Variants in NEK1 observed in about 807,000 individuals in gnomAD.
The protein encoded by NEK1 is NIMA related kinase 1, also known as serine/threonine-protein kinase Nek1.
Under a neutral mutation model 182.1 loss-of-function variants are expected in NEK1, and 137 were observed. That is an observed-to-expected ratio of 0.75 (90% CI 0.65 to 0.87). The LOEUF (loss-of-function observed/expected upper bound fraction) is 0.87, where lower values mean the gene tolerates loss of function less well. Ranked by LOEUF, NEK1 falls within the 40% of genes least tolerant of loss-of-function variation. The pLI is 0.00. For synonymous variants in NEK1, 513 were observed against 492.2 expected (o/e 1.04, Z -0.56); for missense variants, 1,391 against 1,494.4 (o/e 0.93, Z 1.14).
intron 12 of NEK1, among the ~76,000 whole-genome samples, chr4:169,562,740 TAATAA>T (rs891425354): frequency 2.0e-5 from 3 of 152,156 alleles, no homozygotes; most frequent in African/African-American, 7.2e-5. Flanking sequence ...ATTAATGTGT[TAATAA>T]AATGACTTTA....
chr4:169,437,889 T>G (rs993390960), intron 28 of NEK1, among the ~76,000 whole-genome samples, 194 bp downstream of exon 28: 2 of 152,178 alleles, frequency 1.3e-5, no homozygotes, highest in Admixed American at 6.5e-5. Context: ...GGTTGGTGTT[T>G]CAACACTAAG....
intron 28 of NEK1, 91 bp downstream of exon 28, chr4:169,437,992 T>C: frequency 1.0e-6 from 1 of 957,158 alleles, no homozygotes; most frequent in Non-Finnish European, 1.5e-6. Flanking sequence ...TACCCAAACA[T>C]ATACAAATTT....
intron 31 of NEK1, among the ~76,000 whole-genome samples, chr4:169,417,990 G>T (rs894549941): frequency 2.6e-5 from 4 of 152,202 alleles, no homozygotes; most frequent in African/African-American, 9.7e-5. Flanking sequence ...TTGCAAGGTA[G>T]TTTTCTTGAG....
chr4:169,580,995 G>A, intron 10 of NEK1, 93 bp from the exon 11 acceptor site: 1 of 359,912 alleles, frequency 2.8e-6, no homozygotes, highest in Non-Finnish European at 5.1e-6. Flanking sequence ...CCCTTTTTCA[G>A]TAGTAATTAT....
intron 12 of NEK1, among the ~76,000 whole-genome samples, chr4:169,567,293 A>C (rs1288877268): frequency 6.6e-6 from 1 of 152,104 alleles, no homozygotes; most frequent in African/African-American, 2.4e-5. Context: ...CATTGTGGTA[A>C]AATACATAAA....
At chr4:169,568,762 C>T (rs1396350001) in intron 12 of NEK1, among the ~76,000 whole-genome samples, 2 of 151,780 alleles carry the variant, frequency 1.3e-5, no homozygotes, top group Non-Finnish European at 2.9e-5. Flanking sequence ...TGGTGAAACC[C>T]CATCTCTACT....
intron 27 of NEK1, among the ~76,000 whole-genome samples, chr4:169,447,007 C>T (rs937555425): frequency 2.1e-5 from 3 of 143,224 alleles, no homozygotes; most frequent in South Asian, 2.1e-4. Flanking sequence ...GTAGAGAGAC[C>T]GGGGTACAAA....
chr4:169,436,158 C>G (rs1738375334), intron 28 of NEK1, among the ~76,000 whole-genome samples: 2 of 152,226 alleles, frequency 1.3e-5, no homozygotes, highest in Admixed American at 6.5e-5. Context: ...CCAGCCTTGG[C>G]TTCCCAAAGT....
At chr4:169,571,895 A>ATTTTTTTTTTTT (rs57480182) in intron 12 of NEK1, among the ~76,000 whole-genome samples, 1 of 137,206 alleles carries the variant, frequency 7.3e-6, no homozygotes. Flanking sequence ...TGCCCAGCTA[A>ATTTTTTTTTTTT]TTTTTTTTTT....
chr4:169,512,954 T>A (rs1754428974), intron 19 of NEK1, among the ~76,000 whole-genome samples: 1 of 152,132 alleles, frequency 6.6e-6, no homozygotes, highest in African/African-American at 2.4e-5. Context: ...TTCATTGATC[T>A]ATGTGTCTAT....
intron 23 of NEK1, among the ~76,000 whole-genome samples, chr4:169,505,050 G>A (rs1156366665): frequency 6.6e-6 from 1 of 151,046 alleles, no homozygotes; most frequent in Non-Finnish European, 1.5e-5. Flanking sequence ...TTTTTTTTAA[G>A]GCACAACTTA....
chr4:169,606,681 C>T (rs191263057), intron 2 of NEK1, among the ~76,000 whole-genome samples: 4 of 152,280 alleles, frequency 2.6e-5, no homozygotes, highest in East Asian at 1.9e-4. Context: ...ACACCAGGCA[C>T]AACTAAGAAT....
At chr4:169,464,646 G>GA (rs1294503435) in intron 26 of NEK1, among the ~76,000 whole-genome samples, 1 of 151,650 alleles carries the variant, frequency 6.6e-6, no homozygotes, top group Non-Finnish European at 1.5e-5. Flanking sequence ...ATCTTTATGT[G>GA]AAAAAATAGA....
intron 18 of NEK1, among the ~76,000 whole-genome samples, chr4:169,544,837 A>G (rs1760110409): frequency 6.6e-6 from 1 of 150,468 alleles, no homozygotes; most frequent in Non-Finnish European, 1.5e-5. Flanking sequence ...TACCCCCTTT[A>G]TCATTTTTTA....
chr4:169,600,904 C>G (rs146686302), intron 4 of NEK1, among the ~76,000 whole-genome samples: 1 of 152,120 alleles, frequency 6.6e-6, no homozygotes, highest in African/African-American at 2.4e-5. Context: ...CTATGTGAAG[C>G]AGTCAATATA....
chr4:169,581,723 T>C (rs1235430643), intron 10 of NEK1, among the ~76,000 whole-genome samples: 3 of 152,208 alleles, frequency 2.0e-5, no homozygotes, highest in Non-Finnish European at 2.9e-5. Context: ...AAAATCTCTA[T>C]ATTCTGTGTG....
intron 27 of NEK1, among the ~76,000 whole-genome samples, chr4:169,460,999 A>G (rs1743867048): frequency 6.6e-6 from 1 of 152,204 alleles, no homozygotes; most frequent in Non-Finnish European, 1.5e-5. Flanking sequence ...TAAGAATTGG[A>G]AGACTAAAAT....
chr4:169,509,414 C>T (rs1342861753), intron 19 of NEK1, among the ~76,000 whole-genome samples: 1 of 152,040 alleles, frequency 6.6e-6, no homozygotes, highest in Non-Finnish European at 1.5e-5. Flanking sequence ...ATTTCTCTTC[C>T]TTCAGCATAC....
intron 5 of NEK1, among the ~76,000 whole-genome samples, chr4:169,594,085 G>A (rs1483067764): frequency 4.0e-5 from 6 of 151,544 alleles, no homozygotes; most frequent in African/African-American, 9.7e-5. Context: ...ATACTGTTTC[G>A]AAAATGGGAT....
Sources: gnomAD v4.1 joint callset for allele counts (sites outside exome capture counted in the v4.1 genomes callset) on GRCh38, gnomAD v4.1.1 for gene constraint, MANE v1.5 for transcripts, NCBI Gene and HGNC (gene_info 2026-07-23, HGNC 2026-07-21) for gene names.